PCDH9: variants seen among roughly 807,000 people sequenced by gnomAD.
The protein encoded by PCDH9 is protocadherin 9, also known as protocadherin-9.
A neutral mutation model predicts 70.6 loss-of-function variants in PCDH9; 24 were observed. The ratio of observed to expected loss-of-function variants is 0.34; its 90% CI spans 0.25 to 0.48. The LOEUF (loss-of-function observed/expected upper bound fraction) is 0.48, where lower values mean the gene tolerates loss of function less well. PCDH9 is among the 20% of genes least tolerant of loss of function. The pLI, the probability that PCDH9 is intolerant of heterozygous loss-of-function variation, is 0.99. For missense variants in PCDH9, 1,281 were observed against 1,503.6 expected (o/e 0.85, Z 2.45); for synonymous variants, 562 against 558.5 (o/e 1.01, Z -0.09).
chr13:66,768,721 T>C (rs963603567), intron 3 of PCDH9, among the ~76,000 whole-genome samples: 1 of 152,108 alleles, frequency 6.6e-6, no homozygotes, highest in Non-Finnish European at 1.5e-5. Context: ...AACCCCATGC[T>C]GACAAAGCAA....
chr13:67,165,432 T>C (rs1240593853), intron 2 of PCDH9, among the ~76,000 whole-genome samples: 1 of 152,166 alleles, frequency 6.6e-6, no homozygotes, highest in Non-Finnish European at 1.5e-5. Context: ...GTGAATATTT[T>C]ATGGGTGCAT....
At chr13:66,400,400 A>G (rs1328700091) in intron 4 of PCDH9, among the ~76,000 whole-genome samples, 2 of 152,234 alleles carry the variant, frequency 1.3e-5, no homozygotes, top group East Asian at 1.9e-4. Flanking sequence ...AAGGAAATGC[A>G]TAAGTATGTC....
intron 3 of PCDH9, among the ~76,000 whole-genome samples, chr13:66,765,960 C>T (rs2079710181): frequency 6.6e-6 from 1 of 151,704 alleles, no homozygotes; most frequent in African/African-American, 2.4e-5. Flanking sequence ...TTTTTTTAAT[C>T]TAAAAACATG....
intron 2 of PCDH9, among the ~76,000 whole-genome samples, chr13:66,918,294 TAA>T (rs2082587583): frequency 6.6e-6 from 1 of 151,224 alleles, no homozygotes; most frequent in African/African-American, 2.4e-5. Context: ...CCATTTTAGA[TAA>T]AGACTTTAGT....
chr13:66,839,013 A>G (rs2081071036), intron 3 of PCDH9, among the ~76,000 whole-genome samples: 1 of 152,118 alleles, frequency 6.6e-6, no homozygotes, highest in African/African-American at 2.4e-5. Flanking sequence ...AAAACATAAT[A>G]ATGAAATTTT....
intron 3 of PCDH9, among the ~76,000 whole-genome samples, chr13:66,707,365 A>G (rs193232501): frequency 2.1e-4 from 32 of 152,344 alleles, no homozygotes; most frequent in Admixed American, 2.1e-3. Flanking sequence ...ACTTAGAAAA[A>G]AAGCAAGTGA....
intron 3 of PCDH9, among the ~76,000 whole-genome samples, chr13:66,677,220 AAT>A: frequency 6.6e-6 from 1 of 152,230 alleles, no homozygotes; most frequent in Middle Eastern, 3.4e-3. Context: ...CTATCTAATC[AAT>A]GGGAAATTTC....
intron 2 of PCDH9, among the ~76,000 whole-genome samples, chr13:67,029,993 C>A (rs940139336): frequency 6.6e-6 from 1 of 152,164 alleles, no homozygotes; most frequent in Non-Finnish European, 1.5e-5. Flanking sequence ...GGTTATGTGA[C>A]TTCATTATCA....
intron 2 of PCDH9, among the ~76,000 whole-genome samples, chr13:67,120,474 C>T (rs1020225360): frequency 6.6e-6 from 1 of 152,002 alleles, no homozygotes; most frequent in Admixed American, 6.6e-5. Flanking sequence ...CTTTACCTAC[C>T]CAGCCCTTGC....
intron 3 of PCDH9, among the ~76,000 whole-genome samples, chr13:66,668,836 C>A (rs1437608585): frequency 3.3e-5 from 5 of 152,016 alleles, no homozygotes; most frequent in Admixed American, 2.0e-4. Context: ...GTATTGTTAG[C>A]CCCAATTATT....
At chr13:66,796,877 A>T (rs2139331099) in intron 3 of PCDH9, among the ~76,000 whole-genome samples, 1 of 152,282 alleles carries the variant, frequency 6.6e-6, no homozygotes, top group South Asian at 2.1e-4. Context: ...AATGCTAGGC[A>T]AGATTATAAA....
intron 2 of PCDH9, among the ~76,000 whole-genome samples, chr13:66,939,672 C>A (rs2082976883): frequency 6.6e-6 from 1 of 152,026 alleles, no homozygotes; most frequent in Non-Finnish European, 1.5e-5. Context: ...CCCACCTCAG[C>A]CTCCCAAAGT....
At chr13:66,539,656 A>C (rs1221528374) in intron 4 of PCDH9, among the ~76,000 whole-genome samples, 2 of 152,092 alleles carry the variant, frequency 1.3e-5, no homozygotes, top group Non-Finnish European at 2.9e-5. Flanking sequence ...TAAGTCATGG[A>C]GTATTGGGTT....
chr13:66,473,077 T>C (rs1432626831), intron 4 of PCDH9, among the ~76,000 whole-genome samples: 6 of 151,926 alleles, frequency 3.9e-5, no homozygotes, highest in Non-Finnish European at 8.8e-5. Flanking sequence ...CAACTGACAG[T>C]TGGAGTTTCA....
chr13:67,201,092 TA>T (rs2089200051), intron 2 of PCDH9: 1 of 152,032 alleles, frequency 6.6e-6, no homozygotes, highest in Non-Finnish European at 1.5e-5. Context: ...TATAATTAAT[TA>T]AAAATAAATT....
chr13:66,999,563 A>C (rs1438872442), intron 2 of PCDH9, among the ~76,000 whole-genome samples: 2 of 152,012 alleles, frequency 1.3e-5, no homozygotes, highest in Non-Finnish European at 2.9e-5. Flanking sequence ...AAATGGGAGA[A>C]AATTTTCACA....
chr13:66,518,886 T>C (rs957340433), intron 4 of PCDH9, among the ~76,000 whole-genome samples: 2 of 152,172 alleles, frequency 1.3e-5, no homozygotes, highest in African/African-American at 4.8e-5. Context: ...AATTGCTTTA[T>C]TGGAACACAG....
intron 3 of PCDH9, among the ~76,000 whole-genome samples, chr13:66,808,908 G>A (rs970611852): frequency 6.6e-6 from 1 of 152,114 alleles, no homozygotes; most frequent in Admixed American, 6.5e-5. Flanking sequence ...ATTTTGAGAA[G>A]CCCCACTAAA....
rs1200074485 is a variant in PCDH9, at chr13:66,804,323, G to A, written c.3138+99181C>T. On this transcript the variant is annotated intron_variant, in intron 3 of 4. Transcript: ENST00000377865. Reference sequence around the variant, plus strand: ...TAGATCATAAGAGTGTATTTCCACAGTCACACACATGTGAGGAGAAGAGGA... The same window carrying A: ...TAGATCATAAGAGTGTATTTCCACAATCACACACATGTGAGGAGAAGAGGA... 3.9e-5 allele frequency among the ~76,000 whole-genome samples: 6 copies of A among 152,104 alleles called. No homozygotes were observed. The East Asian group carries it at 1.2e-3, about 29-fold the overall frequency.
Sources: gnomAD v4.1 joint callset for allele counts (sites outside exome capture counted in the v4.1 genomes callset) on GRCh38, gnomAD v4.1.1 for gene constraint, MANE v1.5 for transcripts, NCBI Gene and HGNC (gene_info 2026-07-23, HGNC 2026-07-21) for gene names.